The following SENP6 variants were observed in gnomAD, a reference collection of about 807,000 sequenced individuals.
SENP6 encodes SUMO specific peptidase 6.
In SENP6, 41 loss-of-function variants were observed where a neutral mutation model predicts 134.5. That is an observed-to-expected ratio of 0.30 (90% CI 0.24 to 0.40). The LOEUF is 0.40. SENP6 is among the 10% of genes least tolerant of loss of function. The pLI, the probability that SENP6 is intolerant of heterozygous loss-of-function variation, is 1.00. For synonymous variants in SENP6, 395 were observed against 429.8 expected, an observed-to-expected ratio of 0.92 and a Z score of 1.00; for missense variants, 1,248 against 1,312.5, an observed-to-expected ratio of 0.95 and a Z score of 0.76.
At chr6:75,694,876 T>C (rs1774545655) in intron 16 of SENP6, among the ~76,000 whole-genome samples, 2 of 152,126 alleles carry the variant, frequency 1.3e-5, no homozygotes, top group Admixed American at 6.6e-5. Context: ...TTTTTTAATT[T>C]ATTTTTATTT....
intron 20 of SENP6, among the ~76,000 whole-genome samples, chr6:75,710,702 AT>A (rs1292971964): frequency 6.6e-6 from 1 of 152,160 alleles, no homozygotes; most frequent in Non-Finnish European, 1.5e-5. Context: ...TATTATTACT[AT>A]TATTCCTACT....
chr6:75,657,110 A>T (rs1771401140), intron 7 of SENP6, among the ~76,000 whole-genome samples: 1 of 152,200 alleles, frequency 6.6e-6, no homozygotes, highest in African/African-American at 2.4e-5. Flanking sequence ...AAAAAGATTA[A>T]TGAAGTATGT....
At chr6:75,613,828 A>C (rs1767646761) in intron 1 of SENP6, among the ~76,000 whole-genome samples, 1 of 152,230 alleles carries the variant, frequency 6.6e-6, no homozygotes, top group African/African-American at 2.4e-5. Flanking sequence ...ACAATACTAT[A>C]ATCTACAAAC....
At chr6:75,687,264 T>G (rs1773912489) in intron 16 of SENP6, among the ~76,000 whole-genome samples, 1 of 152,178 alleles carries the variant, frequency 6.6e-6, no homozygotes, top group South Asian at 2.1e-4. Context: ...TTTAAGGTCT[T>G]CTCTACACTC....
intron 11 of SENP6, among the ~76,000 whole-genome samples, chr6:75,673,319 CTT>C (rs373435139): frequency 8.6e-6 from 1 of 116,954 alleles, no homozygotes. Flanking sequence ...CCAATGTCTA[CTT>C]TTTTTTTTTT....
intron 4 of SENP6, 45 bp downstream of exon 4, chr6:75,633,771 GAGTTTGACACC>G: frequency 6.5e-7 from 1 of 1,530,300 alleles, no homozygotes; most frequent in Non-Finnish European, 8.8e-7. Context: ...GATAAAGGAA[GAGTTTGACACC>G]AAAAACTTAG....
At chr6:75,663,750 G>A (rs1034244207) in intron 9 of SENP6, among the ~76,000 whole-genome samples, 1 of 149,170 alleles carries the variant, frequency 6.7e-6, no homozygotes, top group Non-Finnish European at 1.5e-5. Flanking sequence ...TTCTGACTTC[G>A]GCCAGGTTAA....
At chr6:75,710,887 C>T (rs907309954) in intron 20 of SENP6, among the ~76,000 whole-genome samples, 1 of 152,074 alleles carries the variant, frequency 6.6e-6, no homozygotes, top group African/African-American at 2.4e-5. Flanking sequence ...AACAGTGTTT[C>T]CAAAAACCCT....
intron 3 of SENP6, among the ~76,000 whole-genome samples, chr6:75,632,169 T>G (rs1769160209): frequency 6.6e-6 from 1 of 152,224 alleles, no homozygotes; most frequent in Non-Finnish European, 1.5e-5. Context: ...GCCTGAGCAT[T>G]ATTCATAATC....
At chr6:75,659,911 A>G (rs1458009720) in intron 8 of SENP6, among the ~76,000 whole-genome samples, 1 of 152,158 alleles carries the variant, frequency 6.6e-6, no homozygotes, top group African/African-American at 2.4e-5. Flanking sequence ...GTTTTTTATA[A>G]TCAGAATACA....
chr6:75,646,295 T>A (rs949288710), intron 6 of SENP6, among the ~76,000 whole-genome samples: 1 of 152,192 alleles, frequency 6.6e-6, no homozygotes, highest in Non-Finnish European at 1.5e-5. Context: ...AATTTTTCAG[T>A]GTGGAAATTG....
chr6:75,650,745 A>G (rs921541366), intron 7 of SENP6, among the ~76,000 whole-genome samples: 2 of 152,192 alleles, frequency 1.3e-5, no homozygotes, highest in Non-Finnish European at 2.9e-5. Context: ...GCAATGCTAT[A>G]ATAATACTGT....
At chr6:75,712,253 CTT>C (rs1437026720) in intron 21 of SENP6, among the ~76,000 whole-genome samples, 1 of 151,918 alleles carries the variant, frequency 6.6e-6, no homozygotes, top group Admixed American at 6.6e-5. Flanking sequence ...TCTCCTTTGA[CTT>C]TTTTTTATAG....
At chr6:75,655,462 T>G (rs963914440) in intron 7 of SENP6, among the ~76,000 whole-genome samples, 1 of 152,214 alleles carries the variant, frequency 6.6e-6, no homozygotes, top group Non-Finnish European at 1.5e-5. Flanking sequence ...AGTTAGTCCC[T>G]ACCTCTTCCC....
At chr6:75,689,007 G>A (rs937927391) in intron 16 of SENP6, among the ~76,000 whole-genome samples, 3 of 152,112 alleles carry the variant, frequency 2.0e-5, no homozygotes, top group East Asian at 1.9e-4. Context: ...TGGAGGTTGC[G>A]GGGAGCCGAG....
chr6:75,703,201 A>G, intron 19 of SENP6, 129 bp downstream of exon 19: 1 of 772,648 alleles, frequency 1.3e-6, no homozygotes, highest in Non-Finnish European at 2.0e-6. Flanking sequence ...CACGCTTATA[A>G]TCCCAGCACT....
At chr6:75,667,153 A>G (rs1335789286) in intron 10 of SENP6, among the ~76,000 whole-genome samples, 3 of 152,240 alleles carry the variant, frequency 2.0e-5, no homozygotes, top group African/African-American at 4.8e-5. Context: ...AAAAAATTCA[A>G]CAAGAAAACA....
chr6:75,633,382 C>T (rs1769255742), intron 3 of SENP6, among the ~76,000 whole-genome samples, 199 bp from the exon 4 acceptor site: 1 of 152,142 alleles, frequency 6.6e-6, no homozygotes, highest in African/African-American at 2.4e-5. Context: ...CAATAAACCT[C>T]CATGTTCCTA....
chr6:75,605,515 T>A (rs2149815722), intron 1 of SENP6, among the ~76,000 whole-genome samples: 1 of 152,300 alleles, frequency 6.6e-6, no homozygotes, highest in African/African-American at 2.4e-5. Context: ...GGGAAGCCAT[T>A]TTACATAGCA....
Sources: allele counts gnomAD v4.1 joint callset (sites outside exome capture counted in the v4.1 genomes callset), GRCh38; gene constraint gnomAD v4.1.1; transcripts MANE v1.5; gene names NCBI Gene and HGNC (gene_info 2026-07-23, HGNC 2026-07-21).